The following MEF2C variants were observed in gnomAD, a reference collection of about 807,000 sequenced individuals.
MEF2C encodes myocyte enhancer factor 2C.
In MEF2C, 6 loss-of-function variants were observed where a neutral mutation model predicts 50.5. The ratio of observed to expected loss-of-function variants is 0.12; its 90% CI spans 0.07 to 0.23. The LOEUF (loss-of-function observed/expected upper bound fraction) is 0.23, where lower values mean the gene tolerates loss of function less well. Among genes scored for constraint, MEF2C ranks in the 10% least tolerant of loss-of-function variants. The pLI, the probability that MEF2C is intolerant of heterozygous loss-of-function variation, is 1.00. For missense variants in MEF2C, 276 were observed against 605.0 expected (o/e 0.46, Z 5.70); for synonymous variants, 183 against 228.0 (o/e 0.80, Z 1.78).
intron 1 of MEF2C, 97 bp downstream of exon 1, chr5:88,882,858 G>A (rs1044016780): frequency 3.3e-5 from 5 of 152,106 alleles, no homozygotes; most frequent in African/African-American, 1.2e-4. Flanking sequence ...AAAAGGCACA[G>A]GGATAGATAG....
chr5:88,731,648 C>A (rs1761692815), intron 7 of MEF2C, 81 bp downstream of exon 7: 1 of 1,248,558 alleles, frequency 8.0e-7, no homozygotes, highest in Admixed American at 1.9e-5. Context: ...TTAAGTAATT[C>A]ATCAAGTTAG....
chr5:88,782,532 C>T (rs576529745), intron 3 of MEF2C, among the ~76,000 whole-genome samples: 3 of 152,148 alleles, frequency 2.0e-5, no homozygotes, highest in African/African-American at 7.2e-5. Context: ...CCTGAGGCCT[C>T]TATAATTTGC....
intron 1 of MEF2C, chr5:88,839,312 C>T (rs983292566): frequency 7.7e-5 from 11 of 142,966 alleles, no homozygotes; most frequent in African/African-American, 2.7e-4. Flanking sequence ...AAGGCAACAA[C>T]GCCACATTAT....
intron 1 of MEF2C, among the ~76,000 whole-genome samples, chr5:88,856,071 A>C (rs1166841179): frequency 6.6e-6 from 1 of 152,208 alleles, no homozygotes; most frequent in Non-Finnish European, 1.5e-5. Flanking sequence ...GATATGGACA[A>C]TGAAATCCAG....
chr5:88,795,256 T>C (rs1027086521), intron 3 of MEF2C, among the ~76,000 whole-genome samples: 1 of 152,208 alleles, frequency 6.6e-6, no homozygotes, highest in Non-Finnish European at 1.5e-5. Flanking sequence ...TTTCACGATA[T>C]AGATTCTTCC....
At chr5:88,812,489 T>C (rs1562176005) in intron 2 of MEF2C, among the ~76,000 whole-genome samples, 1 of 152,136 alleles carries the variant, frequency 6.6e-6, no homozygotes, top group Non-Finnish European at 1.5e-5. Context: ...TTGGTAAAAT[T>C]AATCAGGAGA....
intron 4 of MEF2C, among the ~76,000 whole-genome samples, chr5:88,759,494 T>C (rs1776906978): frequency 6.6e-6 from 1 of 151,726 alleles, no homozygotes; most frequent in African/African-American, 2.4e-5. Context: ...AAAATAAAAA[T>C]AGATAAATAA....
intron 4 of MEF2C, among the ~76,000 whole-genome samples, chr5:88,753,944 T>C (rs1774036609): frequency 6.6e-6 from 1 of 152,202 alleles, no homozygotes; most frequent in Admixed American, 6.5e-5. Context: ...ATATTGTATT[T>C]CTTCATTAAA....
intron 1 of MEF2C, among the ~76,000 whole-genome samples, chr5:88,859,355 A>T (rs1824676390): frequency 6.6e-6 from 1 of 152,228 alleles, no homozygotes; most frequent in South Asian, 2.1e-4. Flanking sequence ...GGCACATTCA[A>T]GCTCTTCTGT....
At chr5:88,815,252 A>G (rs1804787564) in intron 2 of MEF2C, among the ~76,000 whole-genome samples, 1 of 152,042 alleles carries the variant, frequency 6.6e-6, no homozygotes, top group Non-Finnish European at 1.5e-5. Flanking sequence ...CAGGAAGCAC[A>G]TTTGTCTACA....
intron 1 of MEF2C, among the ~76,000 whole-genome samples, chr5:88,898,499 A>T (rs111815333): frequency 0.043 from 6,526 of 152,236 alleles, 162 homozygotes; most frequent in Non-Finnish European, 0.051. Context: ...ACTCCAGGAA[A>T]ATAGGACTGG....
intron 3 of MEF2C, among the ~76,000 whole-genome samples, chr5:88,788,660 A>T (rs1265317381): frequency 6.6e-6 from 1 of 152,226 alleles, no homozygotes; most frequent in Admixed American, 6.5e-5. Flanking sequence ...TGAAAAGCTG[A>T]ACTTTTAATT....
intron 3 of MEF2C, chr5:88,772,841 CTTATAGT>C: frequency 1.0e-6 from 1 of 985,396 alleles, no homozygotes; most frequent in Non-Finnish European, 1.2e-6. Flanking sequence ...GGGAGGGTCT[CTTATAGT>C]CTATCTCCCC....
chr5:88,869,766 G>A (rs1348504502), intron 1 of MEF2C, among the ~76,000 whole-genome samples: 1 of 148,236 alleles, frequency 6.7e-6, no homozygotes, highest in South Asian at 2.2e-4. Context: ...AAATCTTAAC[G>A]AACAAAAATT....
intron 5 of MEF2C, chr5:88,750,165 TA>T: frequency 1.2e-6 from 1 of 847,774 alleles, no homozygotes; most frequent in Non-Finnish European, 1.4e-6. Flanking sequence ...GTTTTGGAAT[TA>T]AAAGAAAATG....
intron 3 of MEF2C, among the ~76,000 whole-genome samples, chr5:88,788,958 A>C (rs189359764): frequency 2.6e-5 from 4 of 152,280 alleles, no homozygotes; most frequent in Non-Finnish European, 5.9e-5. Flanking sequence ...TTGGCTTTAG[A>C]TTAGTAGTAG....
At chr5:88,838,560 T>C in intron 1 of MEF2C, 1 of 985,074 alleles carries the variant, frequency 1.0e-6, no homozygotes, top group African/African-American at 1.7e-5. Context: ...TTACACAGAA[T>C]TCTCATCTGA....
intron 6 of MEF2C, chr5:88,734,904 TTA>T (rs1482420498): frequency 6.1e-6 from 6 of 982,798 alleles, no homozygotes; most frequent in Non-Finnish European, 7.2e-6. Flanking sequence ...ATTCATATTT[TTA>T]GAGCATCAAG....
intron 1 of MEF2C, among the ~76,000 whole-genome samples, chr5:88,899,513 G>A (rs1179941465): frequency 1.3e-5 from 2 of 152,136 alleles, no homozygotes; most frequent in Non-Finnish European, 2.9e-5. Flanking sequence ...CTTGTTTCCA[G>A]TCACAAAATG....
Sources: allele counts gnomAD v4.1 joint callset (sites outside exome capture counted in the v4.1 genomes callset), GRCh38; gene constraint gnomAD v4.1.1; transcripts MANE v1.5; gene names NCBI Gene and HGNC (gene_info 2026-07-23, HGNC 2026-07-21).